Variants in ADCY3 observed in about 807,000 individuals in gnomAD.
The protein encoded by ADCY3 is adenylate cyclase type 3.
A neutral mutation model predicts 119.4 loss-of-function variants in ADCY3; 70 were observed. The observed-to-expected ratio is 0.59, with a 90% confidence interval of 0.48 to 0.72. The LOEUF is 0.72. ADCY3 is among the 30% of genes least tolerant of loss of function. The probability of loss-of-function intolerance (pLI) is 0.00; values close to 1 mark genes in which losing one functional copy is unlikely to be tolerated. For synonymous variants in ADCY3, 672 were observed against 621.4 expected (o/e 1.08, Z -1.21); for missense variants, 1,238 against 1,541.6 (o/e 0.80, Z 3.30).
At chr2:24,832,390 C>T (rs985767563) in intron 11 of ADCY3, among the ~76,000 whole-genome samples, 18 of 152,116 alleles carry the variant, frequency 1.2e-4, no homozygotes, top group Non-Finnish European at 2.4e-4. Context: ...AGCAGCATCA[C>T]TCCCTCGCTG....
intron 16 of ADCY3, chr2:24,825,603 G>A (rs1176925711): frequency 5.9e-6 from 1 of 169,564 alleles, no homozygotes; most frequent in Non-Finnish European, 1.2e-5. Context: ...CCCAAAATGA[G>A]CCACTGCACC....
intron 17 of ADCY3, among the ~76,000 whole-genome samples, chr2:24,823,772 A>G (rs984004437): frequency 6.6e-6 from 1 of 151,280 alleles, no homozygotes; most frequent in African/African-American, 2.4e-5. Flanking sequence ...GCTCACTGCA[A>G]CCTCCACCTC....
chr2:24,846,201 G>A (rs1671633777), intron 3 of ADCY3, among the ~76,000 whole-genome samples: 1 of 152,150 alleles, frequency 6.6e-6, no homozygotes, highest in Non-Finnish European at 1.5e-5. Flanking sequence ...GTGAGAAGAG[G>A]GCCACTGTCC....
In ADCY3 at chr2:24,901,528, C is replaced by T. The variant is rs556827471; in HGVS notation, c.675+16785G>A. 2.0e-5 allele frequency among the ~76,000 whole-genome samples: 3 copies of T among 152,026 alleles called. No homozygotes were observed. The South Asian group carries it at 6.2e-4, about 32-fold the overall frequency. On this transcript the variant is annotated intron_variant, in intron 2 of 21. Transcript: ENST00000679454. ...GTAGGCAAGACAGTAACAATTTGGC[C>T]AAAAAGAAAGAACAGTAATAAAAAT...
At chr2:24,853,467 CTTTTTTTTTT>C (rs745408152) in intron 3 of ADCY3, among the ~76,000 whole-genome samples, 15 of 115,238 alleles carry the variant, frequency 1.3e-4, no homozygotes, top group Non-Finnish European at 2.2e-4. Flanking sequence ...CGCGCCTCAT[CTTTTTTTTTT>C]TTTTTTTTTT....
At chr2:24,821,049 C>CT in intron 20 of ADCY3, 1 of 606,900 alleles carries the variant, frequency 1.6e-6, no homozygotes, top group Non-Finnish European at 2.6e-6. Context: ...CAGCCGCCAC[C>CT]CCCCCCCCAT....
At chr2:24,840,434 CAGGGAGAGAATGT>C in intron 6 of ADCY3, 6 of 396,520 alleles carry the variant, frequency 1.5e-5, no homozygotes, top group South Asian at 1.2e-4. Flanking sequence ...TCTGACAGGG[CAGGGAGAGAATGT>C]TAGAGTTCCT....
chr2:24,879,021 G>C (rs1676051661), intron 2 of ADCY3, among the ~76,000 whole-genome samples: 1 of 152,204 alleles, frequency 6.6e-6, no homozygotes, highest in Admixed American at 6.5e-5. Context: ...AAAGCCATAG[G>C]CAACAACTGG....
At chr2:24,857,231 T>C (rs141991021) in intron 3 of ADCY3, among the ~76,000 whole-genome samples, 1 of 152,388 alleles carries the variant, frequency 6.6e-6, no homozygotes, top group African/African-American at 2.4e-5. Context: ...GGCCACCGTG[T>C]AGGCCAAGGT....
rs1572864229 is a variant in ADCY3 at position 24,842,923 on chromosome 2, G to A, written c.826-539C>T. 6.6e-6 allele frequency among the ~76,000 whole-genome samples: 1 copy of A among 152,204 alleles called. No homozygotes were observed. Among genetic ancestry groups the A allele is most frequent in the Non-Finnish European group, 1.5e-5 (1 of 68,030 alleles). On this transcript the variant is annotated intron_variant, in intron 3 of 21. Coordinates refer to ENST00000679454, the MANE Select transcript of ADCY3 (RefSeq NM_004036.5). The surrounding 1 kb of genome is among the most constrained non-coding windows in gnomAD (Gnocchi z 4.9). Reference sequence around the variant, plus strand: ...CACAGGTAACCATGCCCAGCACAGCGCAGCATGGCAAGTTCTGTGCCCAGA... The same window carrying A: ...CACAGGTAACCATGCCCAGCACAGCACAGCATGGCAAGTTCTGTGCCCAGA...
chr2:24,858,614 C>T (rs1391146721), intron 3 of ADCY3, among the ~76,000 whole-genome samples: 2 of 152,214 alleles, frequency 1.3e-5, no homozygotes, highest in Admixed American at 1.3e-4. Context: ...ATTCTTACAG[C>T]CAGATAAATA....
chr2:24,848,886 T>C (rs1272204044), intron 3 of ADCY3, among the ~76,000 whole-genome samples: 1 of 152,208 alleles, frequency 6.6e-6, no homozygotes, highest in Non-Finnish European at 1.5e-5. Flanking sequence ...CCTGGTCTCC[T>C]GAGCTCTGCT....
At chr2:24,820,541 G>A in intron 21 of ADCY3, 183 bp downstream of exon 21, 3 of 1,404,128 alleles carry the variant, frequency 2.1e-6, no homozygotes, top group African/African-American at 2.9e-5. Context: ...TGGATGGGTG[G>A]AAGTGTTTCT....
At chr2:24,825,302 C>T (rs10211453) in intron 16 of ADCY3, among the ~76,000 whole-genome samples, 2 of 140,634 alleles carry the variant, frequency 1.4e-5, no homozygotes, top group African/African-American at 2.8e-5. Flanking sequence ...TTCTCTTTTC[C>T]TTTTTTGTCC....
At chr2:24,877,107 T>TC (rs1407579270) in intron 2 of ADCY3, among the ~76,000 whole-genome samples, 2 of 152,058 alleles carry the variant, frequency 1.3e-5, no homozygotes, top group African/African-American at 4.8e-5. Flanking sequence ...AGGCAGCCCC[T>TC]CCTCCTCCCC....
At chr2:24,853,803 G>C (rs1300439202) in intron 3 of ADCY3, among the ~76,000 whole-genome samples, 1 of 152,140 alleles carries the variant, frequency 6.6e-6, no homozygotes, top group East Asian at 1.9e-4. Context: ...CTTATCTCTT[G>C]AAAGCTCCTG....
intron 3 of ADCY3, among the ~76,000 whole-genome samples, chr2:24,861,154 G>C (rs1198066718): frequency 6.6e-6 from 1 of 151,630 alleles, no homozygotes; most frequent in Non-Finnish European, 1.5e-5. Context: ...GGGAGGCTCA[G>C]GCAGGAGAAT....
intron 2 of ADCY3, among the ~76,000 whole-genome samples, chr2:24,915,436 C>T (rs572136616): frequency 6.6e-6 from 1 of 152,298 alleles, no homozygotes; most frequent in East Asian, 1.9e-4. Context: ...CAGGAGGCAA[C>T]GGCAGCAGGG....
At chr2:24,831,616 A>T in intron 12 of ADCY3, 46 bp downstream of exon 12, 1 of 1,462,966 alleles carries the variant, frequency 6.8e-7, no homozygotes, top group South Asian at 1.2e-5. Flanking sequence ...AGGGAGTGCC[A>T]CTCACTTCCA....
Sources: allele counts gnomAD v4.1 joint callset (sites outside exome capture counted in the v4.1 genomes callset), GRCh38; gene constraint gnomAD v4.1.1; non-coding constraint Gnocchi (gnomAD v3.1); transcripts MANE v1.5; gene names NCBI Gene and HGNC (gene_info 2026-07-23, HGNC 2026-07-21).